DPYD: variants seen among roughly 807,000 people sequenced by gnomAD.
DPYD encodes dihydropyrimidine dehydrogenase, also known as dihydropyrimidine dehydrogenase [NADP(+)].
DPYD carries 109 observed loss-of-function variants against 116.2 expected under a neutral mutation model. The ratio of observed to expected loss-of-function variants is 0.94; its 90% CI spans 0.80 to 1.10. The LOEUF (loss-of-function observed/expected upper bound fraction) is 1.10. Ranked by LOEUF, DPYD falls within the 50% of genes least tolerant of loss-of-function variation. DPYD has a pLI of 0.00. For missense variants in DPYD, 1,302 were observed against 1,254.5 expected (o/e 1.04, Z -0.57); for synonymous variants, 440 against 432.0 (o/e 1.02, Z -0.23).
intron 2 of DPYD, among the ~76,000 whole-genome samples, chr1:97,882,001 A>C (rs2101639370): frequency 6.6e-6 from 1 of 151,766 alleles, no homozygotes; most frequent in East Asian, 1.9e-4. Flanking sequence ...CTAAAACTTA[A>C]AGTATAATAA....
At chr1:97,353,046 C>T (rs1276500889) in intron 16 of DPYD, among the ~76,000 whole-genome samples, 2 of 151,376 alleles carry the variant, frequency 1.3e-5, no homozygotes, top group South Asian at 2.1e-4. Context: ...CTGTCAGACA[C>T]AAAACCCTCA....
intron 3 of DPYD, among the ~76,000 whole-genome samples, chr1:97,821,012 C>T (rs891223432): frequency 1.3e-5 from 2 of 151,888 alleles, no homozygotes; most frequent in Non-Finnish European, 2.9e-5. Flanking sequence ...AATTCAAGTA[C>T]CTTCCAATTG....
chr1:97,246,843 A>C (rs2100793894), intron 18 of DPYD, among the ~76,000 whole-genome samples: 1 of 152,258 alleles, frequency 6.6e-6, no homozygotes, highest in East Asian at 1.9e-4. Flanking sequence ...ATTTATTGTT[A>C]ATAAAAATAA....
intron 2 of DPYD, among the ~76,000 whole-genome samples, chr1:97,871,862 G>A (rs1040502654): frequency 2.6e-5 from 4 of 151,726 alleles, no homozygotes; most frequent in Admixed American, 1.3e-4. Context: ...AAACCTCGGA[G>A]CATCCCCCTT....
At chr1:97,602,790 A>C (rs1655343241) in intron 8 of DPYD, among the ~76,000 whole-genome samples, 1 of 151,942 alleles carries the variant, frequency 6.6e-6, no homozygotes, top group African/African-American at 2.4e-5. Context: ...TTTGGACAAA[A>C]AAAAGAAGTA....
intron 13 of DPYD, among the ~76,000 whole-genome samples, chr1:97,485,456 C>T (rs1297694954): frequency 6.6e-6 from 1 of 152,196 alleles, no homozygotes; most frequent in Non-Finnish European, 1.5e-5. Context: ...CCCACCTTAG[C>T]CTCCCAAAGT....
chr1:97,471,743 C>T (rs956331586), intron 13 of DPYD, among the ~76,000 whole-genome samples: 3 of 152,082 alleles, frequency 2.0e-5, no homozygotes, highest in Admixed American at 6.5e-5. Flanking sequence ...GCGCCCACCA[C>T]CATGCCCAGC....
chr1:97,532,750 C>CTT (rs35263335), intron 12 of DPYD, among the ~76,000 whole-genome samples: 1 of 150,846 alleles, frequency 6.6e-6, no homozygotes, highest in South Asian at 2.1e-4. Context: ...TTTGAATACT[C>CTT]TTTTTTTTTC....
chr1:97,376,889 A>G (rs11580981), intron 15 of DPYD, among the ~76,000 whole-genome samples: 62,078 of 109,898 alleles, frequency 0.56, 15,037 homozygotes, highest in East Asian at 0.68. Flanking sequence ...GTGTGTGTGT[A>G]TATATATATA....
At chr1:97,082,043 T>G (rs1649193391) in intron 22 of DPYD, among the ~76,000 whole-genome samples, 1 of 152,138 alleles carries the variant, frequency 6.6e-6, no homozygotes, top group Admixed American at 6.6e-5. Flanking sequence ...TAATTTTGTG[T>G]GCATTTCTCT....
At chr1:97,355,624 CT>C (rs1670390695) in intron 16 of DPYD, among the ~76,000 whole-genome samples, 1 of 152,076 alleles carries the variant, frequency 6.6e-6, no homozygotes, top group African/African-American at 2.4e-5. Flanking sequence ...CTTTCTGTTT[CT>C]TTAGTTTTAG....
At chr1:97,724,768 C>A (rs1027525049) in intron 4 of DPYD, among the ~76,000 whole-genome samples, 5 of 151,454 alleles carry the variant, frequency 3.3e-5, no homozygotes, top group Admixed American at 6.6e-5. Context: ...CTTGAGCACA[C>A]AAAGGTTCAA....
At chr1:97,894,926 C>T (rs1234331721) in intron 1 of DPYD, among the ~76,000 whole-genome samples, 1 of 151,620 alleles carries the variant, frequency 6.6e-6, no homozygotes, top group East Asian at 2.0e-4. Context: ...TGAAAATACA[C>T]GTTGGAATAT....
At chr1:97,297,064 T>C (rs1666580587) in intron 18 of DPYD, among the ~76,000 whole-genome samples, 1 of 152,212 alleles carries the variant, frequency 6.6e-6, no homozygotes, top group Non-Finnish European at 1.5e-5. Context: ...ATATGGTTTA[T>C]AACGTTTTAA....
intron 5 of DPYD, chr1:97,719,736 A>C: frequency 1.0e-6 from 1 of 985,078 alleles, no homozygotes; most frequent in African/African-American, 1.7e-5. Context: ...GCCAACCCAA[A>C]AAAAAGGACA....
intron 2 of DPYD, among the ~76,000 whole-genome samples, chr1:97,877,368 G>A (rs979881912): frequency 4.6e-5 from 7 of 151,842 alleles, no homozygotes; most frequent in South Asian, 2.1e-4. Context: ...TAAGGGGTGA[G>A]GGGGACAAGC....
intron 19 of DPYD, among the ~76,000 whole-genome samples, chr1:97,212,529 T>C (rs1660103997): frequency 6.6e-6 from 1 of 152,080 alleles, no homozygotes; most frequent in Non-Finnish European, 1.5e-5. Context: ...GCTATGACCA[T>C]CTGTATGCAA....
At chr1:97,885,999 C>G (rs1302248619) in intron 1 of DPYD, among the ~76,000 whole-genome samples, 1 of 152,030 alleles carries the variant, frequency 6.6e-6, no homozygotes. Flanking sequence ...TGCAGACTGA[C>G]TCCCATAAAA....
chr1:97,459,688 T>C (rs572806610), intron 13 of DPYD, among the ~76,000 whole-genome samples: 1 of 151,936 alleles, frequency 6.6e-6, no homozygotes, highest in Admixed American at 6.6e-5. Flanking sequence ...AAAGAAAAAA[T>C]GAAGACATTT....
Sources: gnomAD v4.1 joint callset for allele counts (sites outside exome capture counted in the v4.1 genomes callset) on GRCh38, gnomAD v4.1.1 for gene constraint, MANE v1.5 for transcripts, NCBI Gene and HGNC (gene_info 2026-07-23, HGNC 2026-07-21) for gene names.